Variants in MZT2A observed in about 807,000 individuals in gnomAD.
MZT2A encodes mitotic-spindle organizing protein 2A.
In MZT2A, 8 loss-of-function variants were observed where a neutral mutation model predicts 12.4. That is an observed-to-expected ratio of 0.64 (90% CI 0.38 to 1.16). MZT2A has a LOEUF of 1.16. Ranked by LOEUF, MZT2A falls within the 50% of genes most tolerant of loss-of-function variation. MZT2A has a pLI of 0.01. For synonymous variants in MZT2A, 88 were observed against 107.5 expected (o/e 0.82, Z 1.12); for missense variants, 181 against 223.6 (o/e 0.81, Z 1.22).
intron 2 of MZT2A, among the ~76,000 whole-genome samples, chr2:131,475,319 CTTTTTTTT>C (rs551443616): frequency 0.16 from 14,751 of 94,344 alleles, 1,404 homozygotes; most frequent in African/African-American, 0.34. Flanking sequence ...TCCTTTCTTC[CTTTTTTTT>C]TTTTTTTTTT....
chr2:131,475,860 C>G (rs559886993), intron 2 of MZT2A, among the ~76,000 whole-genome samples: 1 of 152,274 alleles, frequency 6.6e-6, no homozygotes, highest in African/African-American at 2.4e-5. Context: ...CAATGTTCCG[C>G]GACCCACAGA....
chr2:131,478,046 T>C (rs141836251), intron 2 of MZT2A: 141,639 of 1,391,510 alleles, frequency 0.1, 11,405 homozygotes, highest in African/African-American at 0.42. Context: ...GAAATATCGA[T>C]TGTGAAAGCG....
At chr2:131,493,235 A>C (rs1032582701), upstream of MZT2A, 1 of 1,361,684 alleles carries the variant, frequency 7.3e-7, no homozygotes, top group Non-Finnish European at 9.4e-7. Flanking sequence ...CGCGAGCCCC[A>C]GGACTCGGGC....
intron 4 of MZT2A, chr2:131,469,777 C>G (rs1404592657): frequency 6.9e-6 from 1 of 144,426 alleles, no homozygotes; most frequent in East Asian, 1.9e-4. Context: ...TCAATACCAT[C>G]GCTGAAATAT....
upstream of MZT2A, chr2:131,493,121 C>A: frequency 6.7e-7 from 1 of 1,485,006 alleles, no homozygotes; most frequent in Non-Finnish European, 9.0e-7. Flanking sequence ...CTGAAGCGGG[C>A]GACGCTATGG....
downstream of MZT2A, among the ~76,000 whole-genome samples, chr2:131,481,868 ATGT>A (rs2104727706): frequency 6.6e-6 from 1 of 152,322 alleles, no homozygotes; most frequent in East Asian, 1.9e-4. Flanking sequence ...ACCTGGCCTG[ATGT>A]TGTCATTTAT....
At chr2:131,487,134 T>C (rs1353499372) in intron 2 of MZT2A, among the ~76,000 whole-genome samples, 1 of 152,142 alleles carries the variant, frequency 6.6e-6, no homozygotes, top group African/African-American at 2.4e-5. Flanking sequence ...ACCTGGTCCC[T>C]GGAGGGCCCT....
chr2:131,491,145 C>G, intron 2 of MZT2A: 1 of 585,348 alleles, frequency 1.7e-6, no homozygotes, highest in Non-Finnish European at 3.0e-6. Flanking sequence ...CAGAGAGAGC[C>G]ATCGGGAGCA....
At chr2:131,477,196 C>G (rs1160927318) in intron 2 of MZT2A, among the ~76,000 whole-genome samples, 1 of 151,636 alleles carries the variant, frequency 6.6e-6, no homozygotes, top group Non-Finnish European at 1.5e-5. Flanking sequence ...TGCCACCACA[C>G]CTGGCTAATT....
chr2:131,481,459 A>C (rs1229291935), downstream of MZT2A, among the ~76,000 whole-genome samples: 2 of 135,042 alleles, frequency 1.5e-5, no homozygotes, highest in Non-Finnish European at 3.1e-5. Flanking sequence ...TTTTTGAGAC[A>C]GAGTCTTGCT....
At chr2:131,484,865 C>T (rs1040694701) in intron 2 of MZT2A, among the ~76,000 whole-genome samples, 36 of 152,200 alleles carry the variant, frequency 2.4e-4, no homozygotes, top group African/African-American at 8.7e-4. Flanking sequence ...CTTCTGAACA[C>T]CAGAGGCTCT....
intron 2 of MZT2A, chr2:131,490,408 T>A (rs1019581326): frequency 3.0e-5 from 37 of 1,217,150 alleles, no homozygotes; most frequent in Admixed American, 1.8e-4. Context: ...CAGAGCACAC[T>A]GCACCCGGCT....
At chr2:131,475,319 CT>C (rs551443616) in intron 2 of MZT2A, among the ~76,000 whole-genome samples, 1,975 of 94,380 alleles carry the variant, frequency 0.021, 8 homozygotes, top group African/African-American at 0.058. Flanking sequence ...TCCTTTCTTC[CT>C]TTTTTTTTTT....
intron 2 of MZT2A, among the ~76,000 whole-genome samples, chr2:131,484,586 A>AGCG (rs1251487507): frequency 8.3e-6 from 1 of 120,926 alleles, no homozygotes; most frequent in Non-Finnish European, 1.6e-5. Context: ...TCGTGCCATC[A>AGCG]GCGGCAGCAG....
upstream of MZT2A, chr2:131,492,829 C>G (rs773121472): frequency 1.5e-5 from 22 of 1,461,490 alleles, no homozygotes; most frequent in Admixed American, 1.5e-4. Context: ...CGCGCACGCG[C>G]ATTCCTTGCT....
chr2:131,492,886 C>A (rs142365960), upstream of MZT2A: 2,751 of 1,506,434 alleles, frequency 1.8e-3, 45 homozygotes, highest in African/African-American at 0.034. Flanking sequence ...GAGGCCGCCA[C>A]AACGCAGGCG....
chr2:131,487,545 AT>A (rs1481909542), intron 2 of MZT2A, among the ~76,000 whole-genome samples: 2 of 152,352 alleles, frequency 1.3e-5, no homozygotes, highest in East Asian at 3.9e-4. Context: ...TTAATCTAAA[AT>A]ATCCAACGTA....
intron 2 of MZT2A, among the ~76,000 whole-genome samples, chr2:131,487,152 G>A (rs1272702620): frequency 1.2e-4 from 19 of 152,114 alleles, no homozygotes; most frequent in South Asian, 4.1e-4. Context: ...CCTCCTAAAC[G>A]CCAAAAACAG....
chr2:131,488,731 C>T (rs1679159320), intron 2 of MZT2A, among the ~76,000 whole-genome samples: 1 of 152,124 alleles, frequency 6.6e-6, no homozygotes, highest in Non-Finnish European at 1.5e-5. Flanking sequence ...CCTCCACCTC[C>T]TCCTCAGGTT....
Sources: gnomAD v4.1 joint callset for allele counts (sites outside exome capture counted in the v4.1 genomes callset) on GRCh38, gnomAD v4.1.1 for gene constraint, MANE v1.5 for transcripts, NCBI Gene and HGNC (gene_info 2026-07-23, HGNC 2026-07-21) for gene names.